The following PDE4B variants were observed in gnomAD, a reference collection of about 807,000 sequenced individuals.
PDE4B encodes the protein 3',5'-cyclic-AMP phosphodiesterase 4B.
In PDE4B, 20 loss-of-function variants were observed where a neutral mutation model predicts 82.2. The ratio of observed to expected loss-of-function variants is 0.24; its 90% CI spans 0.17 to 0.35. PDE4B has a LOEUF of 0.35. Ranked by LOEUF, PDE4B falls within the 10% of genes least tolerant of loss-of-function variation. The pLI is 1.00. For synonymous variants in PDE4B, 320 were observed against 318.9 expected (o/e 1.00, Z -0.04); for missense variants, 655 against 907.2 (o/e 0.72, Z 3.57).
At chr1:66,085,161 C>T (rs796397451) in intron 3 of PDE4B, among the ~76,000 whole-genome samples, 10 of 152,260 alleles carry the variant, frequency 6.6e-5, no homozygotes, top group African/African-American at 2.2e-4. Flanking sequence ...TGTGCCCTAC[C>T]CAGGACCTCC....
chr1:66,038,756 A>G (rs1030601499), intron 3 of PDE4B, among the ~76,000 whole-genome samples: 1 of 152,056 alleles, frequency 6.6e-6, no homozygotes, highest in African/African-American at 2.4e-5. Context: ...TAGATTGTTG[A>G]GCGATTGGAA....
At chr1:66,036,157 C>A (rs1425607107) in intron 3 of PDE4B, among the ~76,000 whole-genome samples, 1 of 152,084 alleles carries the variant, frequency 6.6e-6, no homozygotes, top group Non-Finnish European at 1.5e-5. Context: ...AATTCCTTGC[C>A]CATTTTTAAA....
intron 7 of PDE4B, among the ~76,000 whole-genome samples, chr1:66,289,743 A>C (rs1192703757): frequency 6.6e-6 from 1 of 151,996 alleles, no homozygotes; most frequent in East Asian, 1.9e-4. Flanking sequence ...TGTAACTCAG[A>C]TTTCAATGTG....
intron 7 of PDE4B, among the ~76,000 whole-genome samples, chr1:66,272,292 C>T (rs940983742): frequency 6.6e-5 from 10 of 152,222 alleles, no homozygotes; most frequent in Non-Finnish European, 1.5e-5. Flanking sequence ...CTTCCACCTC[C>T]AGGATCGAAG....
intron 1 of PDE4B, among the ~76,000 whole-genome samples, chr1:65,819,072 G>A (rs1645920496): frequency 6.6e-6 from 1 of 152,036 alleles, no homozygotes; most frequent in Non-Finnish European, 1.5e-5. Context: ...CTTGAACATT[G>A]CCAATTGCCA....
At chr1:66,021,348 T>C (rs1239334407) in intron 3 of PDE4B, among the ~76,000 whole-genome samples, 2 of 152,234 alleles carry the variant, frequency 1.3e-5, no homozygotes, top group African/African-American at 2.4e-5. Context: ...ATTTTGGCTT[T>C]TGTTGCCATT....
At chr1:65,796,816 A>AT (rs1316745128) in intron 1 of PDE4B, among the ~76,000 whole-genome samples, 1 of 151,560 alleles carries the variant, frequency 6.6e-6, no homozygotes, top group Non-Finnish European at 1.5e-5. Flanking sequence ...TGCCCAGGTA[A>AT]TTTTTTGTAT....
intron 4 of PDE4B, among the ~76,000 whole-genome samples, chr1:66,247,871 A>G (rs1238083612): frequency 6.6e-6 from 1 of 152,256 alleles, no homozygotes; most frequent in African/African-American, 2.4e-5. Flanking sequence ...GAAAACCTAG[A>G]CACAGTGTTT....
At chr1:66,228,345 G>A (rs748819157) in intron 3 of PDE4B, among the ~76,000 whole-genome samples, 1 of 152,144 alleles carries the variant, frequency 6.6e-6, no homozygotes, top group Non-Finnish European at 1.5e-5. Flanking sequence ...ATGCATTAGG[G>A]TTGTCTCTAG....
At chr1:66,063,752 T>A (rs1413315281) in intron 3 of PDE4B, among the ~76,000 whole-genome samples, 1 of 152,042 alleles carries the variant, frequency 6.6e-6, no homozygotes, top group Non-Finnish European at 1.5e-5. Context: ...GTTTCTTTTT[T>A]TCCTTTTGAT....
At chr1:65,931,971 T>C (rs1647861689) in intron 3 of PDE4B, among the ~76,000 whole-genome samples, 1 of 152,184 alleles carries the variant, frequency 6.6e-6, no homozygotes, top group African/African-American at 2.4e-5. Context: ...ACAGTTACCA[T>C]ATCCTTTCCC....
At chr1:65,967,541 A>G (rs763648202) in intron 3 of PDE4B, among the ~76,000 whole-genome samples, 1 of 152,110 alleles carries the variant, frequency 6.6e-6, no homozygotes, top group Non-Finnish European at 1.5e-5. Context: ...AGGATTATAA[A>G]TCATTCTACT....
At chr1:66,280,859 C>A (rs527300471) in intron 7 of PDE4B, among the ~76,000 whole-genome samples, 1 of 152,068 alleles carries the variant, frequency 6.6e-6, no homozygotes, top group Non-Finnish European at 1.5e-5. Flanking sequence ...AGTTTAGAAT[C>A]TAGAGAAAAT....
chr1:66,369,381 G>A (rs144698360), intron 16 of PDE4B, among the ~76,000 whole-genome samples: 74 of 152,200 alleles, frequency 4.9e-4, no homozygotes, highest in African/African-American at 1.7e-3. Context: ...TCAAGCCCAC[G>A]GTGACCATCA....
chr1:66,117,760 C>A (rs1002821900), intron 3 of PDE4B, among the ~76,000 whole-genome samples: 8 of 152,058 alleles, frequency 5.3e-5, no homozygotes, highest in Non-Finnish European at 1.2e-4. Context: ...TTCTTTGGTT[C>A]TGGTACATTT....
intron 3 of PDE4B, among the ~76,000 whole-genome samples, chr1:65,973,344 T>A (rs1477001464): frequency 6.6e-6 from 1 of 151,988 alleles, no homozygotes; most frequent in Non-Finnish European, 1.5e-5. Flanking sequence ...TACTGTATTT[T>A]ATAGAGTAAC....
At chr1:66,143,836 A>G (rs1646219736) in intron 3 of PDE4B, among the ~76,000 whole-genome samples, 1 of 152,176 alleles carries the variant, frequency 6.6e-6, no homozygotes, top group Non-Finnish European at 1.5e-5. Context: ...GATTTGTAGG[A>G]ATGGGCAGCC....
At chr1:66,202,334 G>A (rs1039313925) in intron 3 of PDE4B, among the ~76,000 whole-genome samples, 3 of 152,162 alleles carry the variant, frequency 2.0e-5, no homozygotes, top group Non-Finnish European at 4.4e-5. Context: ...TTGATTTGGG[G>A]TGGAGAGTTC....
intron 3 of PDE4B, among the ~76,000 whole-genome samples, chr1:66,119,554 G>A (rs764226908): frequency 6.6e-6 from 1 of 152,140 alleles, no homozygotes; most frequent in Non-Finnish European, 1.5e-5. Context: ...CTGTGTTATA[G>A]GACTCTGCCC....
Sources: allele counts gnomAD v4.1 joint callset (sites outside exome capture counted in the v4.1 genomes callset), GRCh38; gene constraint gnomAD v4.1.1; transcripts MANE v1.5; gene names NCBI Gene and HGNC (gene_info 2026-07-23, HGNC 2026-07-21).